Variants in CPNE1 observed in about 807,000 individuals in gnomAD.
CPNE1 encodes the protein copine 1, also known as copine-1.
Under a neutral mutation model 63.2 loss-of-function variants are expected in CPNE1, and 58 were observed. That is an observed-to-expected ratio of 0.92 (90% CI 0.74 to 1.14). The LOEUF is 1.14. Among genes scored for constraint, CPNE1 ranks in the 50% most tolerant of loss-of-function variants. The pLI is 0.00. For synonymous variants in CPNE1, 237 were observed against 249.0 expected, an observed-to-expected ratio of 0.95 and a Z score of 0.45; for missense variants, 672 against 661.7, an observed-to-expected ratio of 1.02 and a Z score of -0.17.
intron 1 of CPNE1, chr20:35,653,844 C>T (rs1165454171): frequency 6.2e-7 from 1 of 1,613,888 alleles, no homozygotes. Flanking sequence ...TGCCCATGTA[C>T]TGTTTATGAC....
At chr20:35,632,270 T>C (rs766964810) in intron 4 of CPNE1, 36 bp from the exon 5 acceptor site, 24 of 1,612,064 alleles carry the variant, frequency 1.5e-5, no homozygotes, top group South Asian at 5.5e-5. Flanking sequence ...CATGAATTCA[T>C]TGATGTTAAG....
chr20:35,657,979 T>G (rs2034001288), intron 1 of CPNE1, among the ~76,000 whole-genome samples: 1 of 151,874 alleles, frequency 6.6e-6, no homozygotes, highest in Admixed American at 6.6e-5. Flanking sequence ...GAAGAATCAC[T>G]TGAACCCGGG....
intron 1 of CPNE1, among the ~76,000 whole-genome samples, chr20:35,638,554 G>C (rs763716571): frequency 2.6e-5 from 4 of 152,164 alleles, no homozygotes; most frequent in Non-Finnish European, 4.4e-5. Flanking sequence ...GTTAGTGAAA[G>C]CATTAAATGT....
rs756358158 is a variant in CPNE1 at position 35,632,470 on chromosome 20, T to C, written c.309+47A>G. The C allele has an allele frequency of 1.2e-5, 19 of 1,606,418 alleles. No individual in the cohort carries two copies. In the Admixed American group the frequency reaches 3.2e-4, roughly 27 times the overall value. ...CCCTACCTCCAGGCAGGCTAGGTTG[T>C]CTCACAGACCTGCATCTGAAGGATC... On this transcript the variant is annotated intron_variant, in intron 3 of 15. Transcript: ENST00000397443.
At chr20:35,645,474 T>C (rs2033048708) in intron 1 of CPNE1, among the ~76,000 whole-genome samples, 1 of 152,208 alleles carries the variant, frequency 6.6e-6, no homozygotes, top group African/African-American at 2.4e-5. Context: ...ACCAAGCACT[T>C]AGTTGTGACT....
chr20:35,633,000 G>C, intron 1 of CPNE1, 77 bp from the exon 2 acceptor site: 1 of 813,366 alleles, frequency 1.2e-6, no homozygotes, highest in Admixed American at 1.9e-5. Context: ...AGCTTGGGAA[G>C]GCCAGCAGGC....
In CPNE1 at chr20:35,626,279, G is replaced by A; in HGVS notation, c.1576C>T (p.Pro526Ser). Residue 526 changes from proline (P) to serine (S), a missense_variant, in exon 16 of 16, where the codon CCC (proline) becomes TCC (serine). Pro to Ser is a moderately conservative substitution (Grantham distance 74). Transcript: ENST00000397443. Reference sequence around the variant, plus strand: ...GCCTGTGCAGGATCCTTGGCTGAGGGTGGAAGTGGCTTGAGCGGGGCCCAA... The same window carrying A: ...GCCTGTGCAGGATCCTTGGCTGAGGATGGAAGTGGCTTGAGCGGGGCCCAA... ...QGWAPLKPLP[P>S]SAKDPAQAPQ... 6.2e-7 allele frequency: 1 copy of A among 1,614,176 alleles called. No homozygotes were observed. Among genetic ancestry groups the A allele is most frequent in the Non-Finnish European group, 8.5e-7 (1 of 1,180,040 alleles).
At position 35,632,639 on chromosome 20, in the gene CPNE1, G is replaced by T; in HGVS notation, c.187C>A (p.Gln63Lys). ...ACTGTCTCAAAGCGGTACTCAAGCT[G>T]TAGAGTCTTGGAGAACTCAGGGCTT... Reference protein sequence around the residue: ...CSSPEFSKTLQLEYRFETVQK... With the variant: ...CSSPEFSKTLKLEYRFETVQK... The change falls in exon 3 of 16, where the codon CAG (glutamine) becomes AAG (lysine). Residue 63 changes from glutamine (Q) to lysine (K), a missense_variant. Gln to Lys is a moderately conservative substitution (Grantham distance 53, BLOSUM62 1). Transcript: ENST00000397443. 1 of 1,491,346 alleles carries T rather than the reference G, an allele frequency of 6.7e-7. No individual in the cohort carries two copies. Among genetic ancestry groups the T allele is most frequent in the African/African-American group, 1.4e-5 (1 of 72,506 alleles). 92.4% of individuals were successfully genotyped at this position (1,491,346 alleles called of 1,614,324 possible). A position where few individuals can be genotyped will look rare whatever the true frequency, so the allele number is the denominator to read the frequency against.
chr20:35,631,313 C>T lies in CPNE1; in HGVS notation c.756G>A (p.Lys252=). 1 of 1,614,154 alleles carries T rather than the reference C, an allele frequency of 6.2e-7. No homozygotes were observed. Among genetic ancestry groups the T allele is most frequent in the Non-Finnish European group, 8.5e-7 (1 of 1,180,022 alleles). ...ECIHPEKQQK[K]KSYKNSGTIR... ...TAGTTCCAGAGTTCTTGTAGCTTTTCTTTTTCTGCTGCTTCTCAGGGTGGA... is the reference window on the plus strand; with the variant it reads ...TAGTTCCAGAGTTCTTGTAGCTTTTTTTTTTCTGCTGCTTCTCAGGGTGGA... The change falls in exon 9 of 16, where the codon AAG becomes AAA. Residue 252 remains lysine (K), a synonymous_variant. Transcript: ENST00000397443.
In CPNE1 at chr20:35,658,854, T is replaced by C; in HGVS notation, c.-1+5906A>G. The C allele has an allele frequency of 4.3e-6, 3 of 695,864 alleles. No homozygotes were observed. In the South Asian group the frequency reaches 4.6e-5, roughly 11 times the overall value. 43.1% of individuals were successfully genotyped at this position (695,864 alleles called of 1,614,324 possible). A position where few individuals can be genotyped will look rare whatever the true frequency, so the allele number is the denominator to read the frequency against. Reference sequence around the variant, plus strand: ...ACACACACACAATATAGTTGCTACATATATTTTCATATTTCTTAATAAGCT... The same window carrying C: ...ACACACACACAATATAGTTGCTACACATATTTTCATATTTCTTAATAAGCT... On this transcript the variant is annotated intron_variant, in intron 1 of 15. Transcript: ENST00000397443.
intron 13 of CPNE1, among the ~76,000 whole-genome samples, chr20:35,629,239 A>G (rs917914437): frequency 3.3e-5 from 5 of 152,218 alleles, no homozygotes; most frequent in African/African-American, 1.2e-4. Context: ...AGCTCCTATG[A>G]CTATTCTTGC....
At chr20:35,634,521 C>T (rs538429168) in intron 1 of CPNE1, among the ~76,000 whole-genome samples, 45 of 150,186 alleles carry the variant, frequency 3.0e-4, no homozygotes, top group South Asian at 2.5e-3. Flanking sequence ...TTGAACCTGG[C>T]GGGTGGAGGT....
Position 35,632,565 on chromosome 20 carries a change from C to T in CPNE1, c.261G>A (p.Glu87=), listed in dbSNP as rs375260288. 3 of 1,613,990 alleles carry T rather than the reference C, an allele frequency of 1.9e-6. No individual in the cohort carries two copies. The African/African-American group carries it at 4.0e-5, about 22-fold the overall frequency. ...CCCCTAGGAAGTCATCATCCCTCAG[C>T]TCTGGCGTCTTGTTGTCTATGTCAT... ...GIYDIDNKTP[E]LRDDDFLGGA... The change falls in exon 3 of 16, where the codon GAG becomes GAA. Residue 87 remains glutamate (E), a synonymous_variant. Coordinates refer to ENST00000397443, the MANE Select transcript of CPNE1 (RefSeq NM_152925.3).
At chr20:35,659,138 CAAAAAAAAAA>C (rs370328377) in intron 1 of CPNE1, 5 of 272,334 alleles carry the variant, frequency 1.8e-5, no homozygotes, top group South Asian at 1.7e-4. Context: ...GAATGCATAT[CAAAAAAAAAA>C]AAAAAAAGAA....
chr20:35,637,380 C>T (rs6060526), intron 1 of CPNE1, among the ~76,000 whole-genome samples: 32,558 of 151,984 alleles, frequency 0.21, 3,628 homozygotes, highest in South Asian at 0.34. Flanking sequence ...GTTTTGCAAT[C>T]TGGTAACCCT....
intron 1 of CPNE1, among the ~76,000 whole-genome samples, chr20:35,640,763 ATC>A (rs2032755540): frequency 6.6e-6 from 1 of 152,174 alleles, no homozygotes; most frequent in Non-Finnish European, 1.5e-5. Context: ...CTCTACTGAT[ATC>A]TGTTAAATTT....
chr20:35,657,252 C>G (rs1367870533), intron 1 of CPNE1, among the ~76,000 whole-genome samples: 1 of 152,332 alleles, frequency 6.6e-6, no homozygotes, highest in East Asian at 1.9e-4. Context: ...AAACATCACA[C>G]CAACAGTCTC....
rs751519915 is a variant in CPNE1, at chr20:35,631,269, C to T, written c.800G>A (p.Arg267Gln). Residue 267 changes from arginine to glutamine, a missense_variant and splice_region_variant, in exon 9 of 16, where the codon CGG (arginine) becomes CAG (glutamine). Arg to Gln is a conservative substitution (Grantham distance 43). Transcript: ENST00000397443. ...TGGTTACATGGGCTTTTGTCTCACC[C>T]GACAAATCTTGACACGGATAGTTCC... ...NSGTIRVKICRVETEYSFLDY... is the reference protein window; with the variant it reads ...NSGTIRVKICQVETEYSFLDY... 27 of 1,613,964 alleles carry T rather than the reference C, an allele frequency of 1.7e-5. No homozygotes were observed. The highest frequency in any genetic ancestry group is 4.4e-5 in the South Asian group (4 of 91,066).
At chr20:35,645,945 C>A (rs1431921314) in intron 1 of CPNE1, among the ~76,000 whole-genome samples, 1 of 151,856 alleles carries the variant, frequency 6.6e-6, no homozygotes, top group East Asian at 1.9e-4. Context: ...TGATTTAAAA[C>A]CTTTTAAGAA....
Sources: gnomAD v4.1 joint callset for allele counts (sites outside exome capture counted in the v4.1 genomes callset) on GRCh38, gnomAD v4.1.1 for gene constraint, MANE v1.5 for transcripts, NCBI Gene and HGNC (gene_info 2026-07-23, HGNC 2026-07-21) for gene names.